MACROD2: variants seen among roughly 807,000 people sequenced by gnomAD.
MACROD2 encodes the protein ADP-ribose glycohydrolase MACROD2.
Under a neutral mutation model 70.4 loss-of-function variants are expected in MACROD2, and 36 were observed. The ratio of observed to expected loss-of-function variants is 0.51; its 90% CI spans 0.39 to 0.68. MACROD2 has a LOEUF of 0.68. MACROD2 is among the 30% of genes least tolerant of loss of function. MACROD2 has a pLI of 0.00. For missense variants in MACROD2, 496 were observed against 538.4 expected (o/e 0.92, Z 0.78); for synonymous variants, 172 against 178.8 (o/e 0.96, Z 0.30).
rs560715558 is a variant in MACROD2, at chr20:14,661,091, G to A, written c.302-23752G>A. On this transcript the variant is annotated intron_variant, in intron 4 of 17. Transcript: ENST00000684519. ...CAGTAATGGGATTGCTGAGTCAACT[G>A]GTAATTCTGTTTCTAGTTCTTTGAG... Among the ~76,000 whole-genome samples, 136 of 152,144 alleles carry A rather than the reference G, an allele frequency of 8.9e-4. 1 individual carries two copies. The highest frequency in any genetic ancestry group is 1.2e-3 in the Admixed American group (19 of 15,254).
intron 5 of MACROD2, among the ~76,000 whole-genome samples, chr20:15,171,516 G>A (rs2076422267): frequency 6.6e-6 from 1 of 151,264 alleles, no homozygotes; most frequent in Non-Finnish European, 1.5e-5. Flanking sequence ...GATTCAATAA[G>A]CTCTTTGTAG....
chr20:15,700,092 C>T (rs1365465986), intron 8 of MACROD2, among the ~76,000 whole-genome samples: 1 of 152,178 alleles, frequency 6.6e-6, no homozygotes, highest in African/African-American at 2.4e-5. Context: ...AGTTGGGGCA[C>T]TCAATATTTG....
intron 4 of MACROD2, among the ~76,000 whole-genome samples, chr20:14,548,305 C>T (rs1276803829): frequency 4.6e-5 from 7 of 152,126 alleles, no homozygotes; most frequent in Admixed American, 3.9e-4. Flanking sequence ...CCCTCTACCC[C>T]AACTGCCAAT....
At chr20:15,542,333 G>A (rs1230360706) in intron 8 of MACROD2, among the ~76,000 whole-genome samples, 2 of 152,078 alleles carry the variant, frequency 1.3e-5, no homozygotes, top group African/African-American at 4.8e-5. Context: ...AGAGATTAAG[G>A]CACATAAAGA....
intron 8 of MACROD2, among the ~76,000 whole-genome samples, chr20:15,555,588 G>A (rs1025593364): frequency 5.9e-5 from 9 of 151,906 alleles, no homozygotes; most frequent in African/African-American, 2.2e-4. Context: ...TTGGGACAAT[G>A]AATTTTGAAA....
intron 6 of MACROD2, among the ~76,000 whole-genome samples, chr20:15,237,143 G>A (rs1175562982): frequency 1.3e-5 from 2 of 152,184 alleles, no homozygotes; most frequent in African/African-American, 4.8e-5. Flanking sequence ...AGTCATATAA[G>A]TGAAAACCTG....
At chr20:15,554,001 A>G (rs987448913) in intron 8 of MACROD2, among the ~76,000 whole-genome samples, 5 of 152,180 alleles carry the variant, frequency 3.3e-5, no homozygotes, top group Non-Finnish European at 4.4e-5. Flanking sequence ...ACTAGGAAGA[A>G]TGGATCAAAG....
intron 3 of MACROD2, among the ~76,000 whole-genome samples, chr20:14,108,679 A>G (rs1041472732): frequency 6.6e-6 from 1 of 152,116 alleles, no homozygotes; most frequent in Non-Finnish European, 1.5e-5. Context: ...GTCATTATAT[A>G]ATGATAAAGG....
rs1032059408 is a variant in MACROD2, at chr20:15,022,615, A to G, written c.419-207325A>G. Among the ~76,000 whole-genome samples, 80 of 152,338 alleles carry G rather than the reference A, an allele frequency of 5.3e-4. 1 individual carries two copies. Among genetic ancestry groups the G allele is most frequent in the African/African-American group, 1.8e-3 (76 of 41,584 alleles). ...AGAATTTTAGAGCATTCTTGCACACACTGGTGATATATTCTAAAGAAGACA... is the reference window on the plus strand; with the variant it reads ...AGAATTTTAGAGCATTCTTGCACACGCTGGTGATATATTCTAAAGAAGACA... On this transcript the variant is annotated intron_variant, in intron 5 of 17. Coordinates refer to ENST00000684519, the MANE Select transcript of MACROD2 (RefSeq NM_001351661.2).
intron 13 of MACROD2, among the ~76,000 whole-genome samples, chr20:15,974,121 A>G (rs1055522796): frequency 1.2e-4 from 18 of 152,182 alleles, no homozygotes; most frequent in Admixed American, 2.0e-4. Context: ...AACAGACCCA[A>G]GTAGATCTGG....
intron 6 of MACROD2, among the ~76,000 whole-genome samples, chr20:15,243,505 C>G (rs2077078047): frequency 6.6e-6 from 1 of 152,052 alleles, no homozygotes; most frequent in Admixed American, 6.6e-5. Context: ...GGCTCATTTG[C>G]AGGAATAACA....
At chr20:14,433,893 A>G (rs2084025693) in intron 3 of MACROD2, among the ~76,000 whole-genome samples, 1 of 152,178 alleles carries the variant, frequency 6.6e-6, no homozygotes, top group Non-Finnish European at 1.5e-5. Context: ...ATGAAGCTTT[A>G]TCTATGAAAA....
chr20:15,014,213 A>G (rs1375789839), intron 5 of MACROD2, among the ~76,000 whole-genome samples: 1 of 152,180 alleles, frequency 6.6e-6, no homozygotes, highest in Non-Finnish European at 1.5e-5. Context: ...TATGGTAGTT[A>G]CCTTTATAAT....
intron 7 of MACROD2, among the ~76,000 whole-genome samples, chr20:15,438,234 G>T (rs2046452412): frequency 3.3e-5 from 5 of 152,016 alleles, no homozygotes; most frequent in Admixed American, 3.3e-4. Context: ...GTTCTGCTTT[G>T]AGCTCTTTGA....
At chr20:14,370,856 C>A (rs931171988) in intron 3 of MACROD2, among the ~76,000 whole-genome samples, 3 of 152,086 alleles carry the variant, frequency 2.0e-5, no homozygotes, top group African/African-American at 7.2e-5. Flanking sequence ...TAGAGAAATG[C>A]AATCTAAGTG....
chr20:15,366,821 A>C (rs1292071771), intron 6 of MACROD2, among the ~76,000 whole-genome samples: 2 of 151,570 alleles, frequency 1.3e-5, no homozygotes, highest in African/African-American at 4.9e-5. Context: ...TCCACCTCCC[A>C]GTGTGCTGAC....
rs2148609792 is a variant in MACROD2, at chr20:14,002,371, AAGG to A, written c.136_138del (p.Glu46del). The A allele has an allele frequency of 6.2e-7, 1 of 1,607,846 alleles. No homozygotes were observed. The highest frequency in any genetic ancestry group is 8.5e-7 in the Non-Finnish European group (1 of 1,177,476). On this transcript the variant is annotated inframe_deletion, in exon 2 of 18. Coordinates refer to ENST00000684519, the MANE Select transcript of MACROD2 (RefSeq NM_001351661.2). ...TCCCCTGAACAGCATTCTATCATGGAAGGAGGAGATGAAGGGCAAGGGCCAAAA... is the reference window on the plus strand; with the variant it reads ...TCCCCTGAACAGCATTCTATCATGGAAGGAGATGAAGGGCAAGGGCCAAAA...
At chr20:15,781,791 T>A (rs1472432698) in intron 8 of MACROD2, among the ~76,000 whole-genome samples, 2 of 152,090 alleles carry the variant, frequency 1.3e-5, no homozygotes, top group Non-Finnish European at 2.9e-5. Flanking sequence ...GAGGGGATGA[T>A]ACCCGAGCTA....
chr20:15,925,029 C>T (rs555336961), intron 10 of MACROD2, among the ~76,000 whole-genome samples: 1 of 152,178 alleles, frequency 6.6e-6, no homozygotes, highest in African/African-American at 2.4e-5. Context: ...AAGGAAATCC[C>T]ATTGTAATGC....
Sources: gnomAD v4.1 joint callset for allele counts (sites outside exome capture counted in the v4.1 genomes callset) on GRCh38, gnomAD v4.1.1 for gene constraint, MANE v1.5 for transcripts, NCBI Gene and HGNC (gene_info 2026-07-23, HGNC 2026-07-21) for gene names.